WDR97: variants seen among roughly 807,000 people sequenced by gnomAD.
WDR97 encodes WD repeat-containing protein 97.
In WDR97, 111 loss-of-function variants were observed where a neutral mutation model predicts 65.4. The ratio of observed to expected loss-of-function variants is 1.70; its 90% CI spans 1.45 to 1.99. The LOEUF is 1.99. WDR97 is among the 30% of genes most tolerant of loss of function. The pLI is 0.00. For synonymous variants in WDR97, 802 were observed against 397.7 expected, an observed-to-expected ratio of 2.02 and a Z score of -12.10; for missense variants, 1,674 against 865.0, an observed-to-expected ratio of 1.94 and a Z score of -11.73.
chr8:144,115,438 G>T lies in WDR97; in HGVS notation c.4175G>T (p.Arg1392Met). 1.5e-6 allele frequency: 1 copy of T among 686,370 alleles called. No individual in the cohort carries two copies. Among genetic ancestry groups the T allele is most frequent in the South Asian group, 1.5e-5 (1 of 66,766 alleles). The allele number at this position is 686,370 out of a possible 1,614,324, so 42.5% of individuals were successfully genotyped here. ...TGGTCGGCCTCCGGCATCTTCGGGA[G>T]GCTCTCGCAGGTCTCAGAGGTGCCT... ...TSWSASGIFG[R>M]LSQVSEVPLM... is the part of the protein sequence containing the mutation. Residue 1392 changes from arginine (R) to methionine (M), a missense_variant, in exon 22 of 24, where the codon AGG (arginine) becomes ATG (methionine). By Grantham distance (91) the Arg-to-Met change is moderately conservative. Coordinates refer to ENST00000323662, the MANE Select transcript of WDR97 (RefSeq NM_001316309.2).
chr8:144,112,984 T>A, intron 15 of WDR97: 1 of 294,092 alleles, frequency 3.4e-6, no homozygotes, highest in Non-Finnish European at 6.4e-6. Flanking sequence ...CCTCAGCCCC[T>A]CCCCCAGCAT....
In WDR97 at chr8:144,116,109, T is replaced by C; in HGVS notation, c.4685T>C (p.Leu1562Pro). 1 of 599,008 alleles carries C rather than the reference T, an allele frequency of 1.7e-6. No individual in the cohort carries two copies. The highest frequency in any genetic ancestry group is 3.1e-6 in the Non-Finnish European group (1 of 326,790). 37.1% of individuals were successfully genotyped at this position (599,008 alleles called of 1,614,324 possible). Residue 1562 changes from leucine to proline, a missense_variant, in exon 24 of 24, where the codon CTC becomes CCC. Physicochemically the swap from Leu to Pro is moderately conservative, Grantham distance 98. Transcript: ENST00000323662. The stretch of plus-strand genomic sequence containing the variant: ...CCCCCAGGCCCCATGCGGTCCCGGC[T>C]CTGTGCGGGCCGCACCCTGGACGGC... ...MRLRGPMRSR[L>P]CAGRTLDGPI...
At chr8:144,116,036 A>C in intron 23 of WDR97, 23 bp downstream of exon 23, 1 of 699,214 alleles carries the variant, frequency 1.4e-6, no homozygotes, top group South Asian at 1.5e-5. Flanking sequence ...AGGGGTGGAG[A>C]CTGGACCCCA....
At chr8:144,110,601 C>G in intron 7 of WDR97, 24 bp downstream of exon 7, 2 of 702,732 alleles carry the variant, frequency 2.8e-6, no homozygotes, top group South Asian at 1.5e-5. Flanking sequence ...ATGGGTGAAG[C>G]CCAGCCACCG....
intron 15 of WDR97, chr8:144,113,147 G>T: frequency 4.0e-6 from 2 of 506,164 alleles, no homozygotes; most frequent in Non-Finnish European, 6.9e-6. Context: ...CTGGGGCCAA[G>T]TCCTGTAAGG....
Position 144,117,155 on chromosome 8 carries a change from C to G in WDR97, c.*862C>G, listed in dbSNP as rs1201119928. The G allele has an allele frequency of 1.3e-5, 2 of 152,346 alleles. No individual in the cohort carries two copies. The highest frequency in any genetic ancestry group is 4.8e-5 in the African/African-American group (2 of 41,470). The allele number at this position is 152,346 out of a possible 1,614,324, so 9.4% of individuals were successfully genotyped here. A position where few individuals can be genotyped will look rare whatever the true frequency, so the allele number is the denominator to read the frequency against. On this transcript the variant is annotated 3_prime_UTR_variant, in exon 24 of 24. Coordinates refer to ENST00000323662, the MANE Select transcript of WDR97 (RefSeq NM_001316309.2). Reference sequence around the variant, plus strand: ...GTTATGGGGCCACCAAATGGCTGCTCTTTCCCAGGCCGGTGCTTGACACAG... The same window carrying G: ...GTTATGGGGCCACCAAATGGCTGCTGTTTCCCAGGCCGGTGCTTGACACAG...
At position 144,109,369 on chromosome 8, in the gene WDR97, G is replaced by C; in HGVS notation, c.1035G>C (p.Thr345=). ...PVTAMTVLPN[T]TLVLSASQDG... ...CGGCTATGACTGTGCTCCCGAACACGACCCTGGTGTTGTCGGCCTCGCAGG... is the reference window on the plus strand; with the variant it reads ...CGGCTATGACTGTGCTCCCGAACACCACCCTGGTGTTGTCGGCCTCGCAGG... Residue 345 remains threonine (T), a synonymous_variant, in exon 5 of 24, where the codon ACG becomes ACC. Coordinates refer to ENST00000323662, the MANE Select transcript of WDR97 (RefSeq NM_001316309.2). The C allele has an allele frequency of 1.4e-6, 1 of 702,602 alleles. No individual in the cohort carries two copies. Among genetic ancestry groups the C allele is most frequent in the Middle Eastern group, 2.3e-4 (1 of 4,370 alleles). The allele number at this position is 702,602 out of a possible 1,614,324, so 43.5% of individuals were successfully genotyped here. A position where few individuals can be genotyped will look rare whatever the true frequency, so the allele number is the denominator to read the frequency against.
At chr8:144,112,963 G>A (rs143060932) in intron 15 of WDR97, 2 of 284,328 alleles carry the variant, frequency 7.0e-6, no homozygotes, top group African/African-American at 2.2e-5. Flanking sequence ...TACACCAGGT[G>A]CCCAGGCAGG....
In WDR97 at chr8:144,108,819, T is replaced by C. The variant is rs1836475999; in HGVS notation, c.753T>C (p.Arg251=). 3 of 702,632 alleles carry C rather than the reference T, an allele frequency of 4.3e-6. No individual in the cohort carries two copies. The highest frequency in any genetic ancestry group is 3.5e-5 in the African/African-American group (2 of 57,246). 43.5% of individuals were successfully genotyped at this position (702,632 alleles called of 1,614,324 possible). A position where few individuals can be genotyped will look rare whatever the true frequency, so the allele number is the denominator to read the frequency against. The change falls in exon 3 of 24, where the codon CGT becomes CGC. Residue 251 remains arginine, a synonymous_variant. Coordinates refer to ENST00000323662, the MANE Select transcript of WDR97 (RefSeq NM_001316309.2). ...PPPSPTGRLM[R]LAVAPVPPHH... ...CGAGCCCAACAGGCAGGCTCATGCG[T>C]CTGGCTGTGGCGCCGGTTCCTCCCC...
At position 144,116,140 on chromosome 8, in the gene WDR97, C is replaced by A. The variant is rs753626141; in HGVS notation, c.4716C>A (p.Ile1572=). The A allele has an allele frequency of 2.9e-6, 2 of 699,642 alleles. No individual in the cohort carries two copies. The highest frequency in any genetic ancestry group is 4.0e-5 in the Admixed American group (2 of 49,842). 43.3% of individuals were successfully genotyped at this position (699,642 alleles called of 1,614,324 possible). ...LCAGRTLDGP[I]RTLKLPLPRV... ...CGGGCCGCACCCTGGACGGCCCCAT[C>A]CGGACGCTGAAGCTGCCGTTGCCGC... The change falls in exon 24 of 24, where the codon ATC becomes ATA. Residue 1572 remains isoleucine, a synonymous_variant. Transcript: ENST00000323662.
rs1836599511 is a variant in WDR97 at position 144,113,983 on chromosome 8, G to A, written c.3415G>A (p.Val1139Met). Residue 1139 changes from valine to methionine, a missense_variant, in exon 18 of 24, where the codon GTG (valine) becomes ATG (methionine). By Grantham distance (21) the Val-to-Met change is conservative. Coordinates refer to ENST00000323662, the MANE Select transcript of WDR97 (RefSeq NM_001316309.2). ...DSWELEDQSAVDWTQEPRRRS... is the reference protein window; with the variant it reads ...DSWELEDQSAMDWTQEPRRRS... ...GCCACTGCTGCTCCCCTAGAGTGCTGTGGACTGGACCCAGGAGCCCCGGCG... is the reference window on the plus strand; with the variant it reads ...GCCACTGCTGCTCCCCTAGAGTGCTATGGACTGGACCCAGGAGCCCCGGCG... The A allele has an allele frequency of 1.4e-6, 1 of 702,492 alleles. No individual in the cohort carries two copies. The highest frequency in any genetic ancestry group is 2.3e-4 in the Middle Eastern group (1 of 4,392). The allele number at this position is 702,492 out of a possible 1,614,324, so 43.5% of individuals were successfully genotyped here. A position where few individuals can be genotyped will look rare whatever the true frequency, so the allele number is the denominator to read the frequency against.
Position 144,116,290 on chromosome 8 carries a change from C to T in WDR97, c.4866C>T (p.Ser1622=). 1 of 623,658 alleles carries T rather than the reference C, an allele frequency of 1.6e-6. No homozygotes were observed. Among genetic ancestry groups the T allele is most frequent in the East Asian group, 2.8e-5 (1 of 35,702 alleles). The allele number at this position is 623,658 out of a possible 1,614,324, so 38.6% of individuals were successfully genotyped here. Residue 1622 remains serine (S), a synonymous_variant, in exon 24 of 24, where the codon AGC becomes AGT. Transcript: ENST00000323662. ...CGGACGCGGACCCTGACACCTACAGCTGACCGGACTGGTGGCCTCAGCCCG... is the reference window on the plus strand; with the variant it reads ...CGGACGCGGACCCTGACACCTACAGTTGACCGGACTGGTGGCCTCAGCCCG... ...LPADADPDTY[S] is the part of the protein sequence containing the mutation.
At position 144,109,569 on chromosome 8, in the gene WDR97, G is replaced by A. The variant is rs557561616; in HGVS notation, c.1235G>A (p.Arg412His). The A allele has an allele frequency of 2.9e-6, 2 of 694,810 alleles. No homozygotes were observed. Among genetic ancestry groups the A allele is most frequent in the African/African-American group, 1.8e-5 (1 of 56,342 alleles). 43.0% of individuals were successfully genotyped at this position (694,810 alleles called of 1,614,324 possible). Reference protein sequence around the residue: ...CASSMQLWRVRELYSPLAQLP... With the variant: ...CASSMQLWRVHELYSPLAQLP... The stretch of plus-strand genomic sequence containing the variant: ...AGCAGCATGCAGCTGTGGCGCGTAC[G>A]CGAGCTCTACTCGCCGTTGGCGCAA... Residue 412 changes from arginine (R) to histidine (H), a missense_variant, in exon 5 of 24, where the codon CGC (arginine) becomes CAC (histidine). Coordinates refer to ENST00000323662, the MANE Select transcript of WDR97 (RefSeq NM_001316309.2).
At position 144,112,360 on chromosome 8, in the gene WDR97, C is replaced by A. The variant is rs751121047; in HGVS notation, c.3021+11C>A. 7 of 702,468 alleles carry A rather than the reference C, an allele frequency of 1.0e-5. No individual in the cohort carries two copies. The highest frequency in any genetic ancestry group is 2.6e-6 in the Non-Finnish European group (1 of 384,854). 43.5% of individuals were successfully genotyped at this position (702,468 alleles called of 1,614,324 possible). A position where few individuals can be genotyped will look rare whatever the true frequency, so the allele number is the denominator to read the frequency against. On this transcript the variant is annotated intron_variant, in intron 14 of 23. Coordinates refer to ENST00000323662, the MANE Select transcript of WDR97 (RefSeq NM_001316309.2). ...CACTTGCAGTGCAGGGTGAGGGACC[C>A]AGGCAGGTGGGGTACCACCTACTGA...
At chr8:144,110,775 C>A (rs1385339081) in intron 8 of WDR97, 36 bp downstream of exon 8, 1 of 702,496 alleles carries the variant, frequency 1.4e-6, no homozygotes, top group Non-Finnish European at 2.6e-6. Flanking sequence ...GGGTCTCCTA[C>A]CTCTGCTCCT....
In WDR97 at chr8:144,116,416, C is replaced by G; in HGVS notation, c.*123C>G. 3.6e-6 allele frequency: 2 copies of G among 556,990 alleles called. No homozygotes were observed. Among genetic ancestry groups the G allele is most frequent in the East Asian group, 6.1e-5 (2 of 32,662 alleles). The allele number at this position is 556,990 out of a possible 1,614,324, so 34.5% of individuals were successfully genotyped here. On this transcript the variant is annotated 3_prime_UTR_variant, in exon 24 of 24. Coordinates refer to ENST00000323662, the MANE Select transcript of WDR97 (RefSeq NM_001316309.2). ...AGGATGCCGCCTGCTTTGGAGGGCCCCGGGGTGCGCACGGCGTGTGGGCGT... is the reference window on the plus strand; with the variant it reads ...AGGATGCCGCCTGCTTTGGAGGGCCGCGGGGTGCGCACGGCGTGTGGGCGT...
Position 144,112,252 on chromosome 8 carries a change from A to G in WDR97, c.2924A>G (p.Tyr975Cys), listed in dbSNP as rs1836565766. 1.4e-6 allele frequency: 1 copy of G among 702,612 alleles called. No individual in the cohort carries two copies. The highest frequency in any genetic ancestry group is 2.6e-6 in the Non-Finnish European group (1 of 384,932). 43.5% of individuals were successfully genotyped at this position (702,612 alleles called of 1,614,324 possible). A position where few individuals can be genotyped will look rare whatever the true frequency, so the allele number is the denominator to read the frequency against. Residue 975 changes from tyrosine to cysteine, a missense_variant, in exon 14 of 24, where the codon TAC becomes TGC. Coordinates refer to ENST00000323662, the MANE Select transcript of WDR97 (RefSeq NM_001316309.2). ...CTGGCCCGCTCCTCACTGAGCCACTACCTGGGCATCAGTCTGGATCTGCAG... is the reference window on the plus strand; with the variant it reads ...CTGGCCCGCTCCTCACTGAGCCACTGCCTGGGCATCAGTCTGGATCTGCAG... ...QLLARSSLSH[Y>C]LGISLDLQLQ... is the part of the protein sequence containing the mutation.
chr8:144,115,227 T>C, intron 21 of WDR97, 114 bp from the exon 22 acceptor site: 1 of 566,478 alleles, frequency 1.8e-6, no homozygotes, highest in Non-Finnish European at 3.1e-6. Flanking sequence ...CCAGGGTGCT[T>C]GGCCATGGGT....
chr8:144,113,019 G>C (rs4977194), intron 15 of WDR97: 268,661 of 304,230 alleles, frequency 0.88, 119,810 homozygotes, highest in East Asian at 1. Context: ...CACCTGCCCA[G>C]GTGGGTAATT....
Sources: gnomAD v4.1 joint callset for allele counts on GRCh38, gnomAD v4.1.1 for gene constraint, MANE v1.5 for transcripts, NCBI Gene and HGNC (gene_info 2026-07-23, HGNC 2026-07-21) for gene names.